The following PRKN variants were observed in gnomAD, a reference collection of about 807,000 sequenced individuals.
PRKN encodes E3 ubiquitin-protein ligase parkin.
PRKN carries 56 observed loss-of-function variants against 59.5 expected under a neutral mutation model. The ratio of observed to expected loss-of-function variants is 0.94; its 90% CI spans 0.76 to 1.18. The LOEUF is 1.18. PRKN is among the 50% of genes most tolerant of loss of function. The pLI, the probability that PRKN is intolerant of heterozygous loss-of-function variation, is 0.00. For missense variants in PRKN, 657 were observed against 596.4 expected (o/e 1.10, Z -1.06); for synonymous variants, 250 against 222.1 (o/e 1.13, Z -1.12).
At chr6:162,010,165 T>C (rs1782435478) in intron 5 of PRKN, among the ~76,000 whole-genome samples, 2 of 145,656 alleles carry the variant, frequency 1.4e-5, no homozygotes, top group Admixed American at 7.3e-5. Context: ...GGGAGACCCC[T>C]CGCAGAATCA....
chr6:162,434,218 TTAAAAATCCAAAAA>T (rs1451356111), intron 2 of PRKN, among the ~76,000 whole-genome samples: 3 of 152,176 alleles, frequency 2.0e-5, no homozygotes, highest in African/African-American at 7.2e-5. Context: ...AAAACATTTT[TTAAAAATCCAAAAA>T]CAATTGATAC....
chr6:162,414,073 C>T (rs1788486938), intron 2 of PRKN, among the ~76,000 whole-genome samples: 1 of 152,122 alleles, frequency 6.6e-6, no homozygotes, highest in Admixed American at 6.6e-5. Flanking sequence ...ATGCCAGCTA[C>T]TCGGGAGGCT....
chr6:161,699,521 G>A (rs1274167294), intron 7 of PRKN, among the ~76,000 whole-genome samples: 2 of 152,134 alleles, frequency 1.3e-5, no homozygotes, highest in African/African-American at 2.4e-5. Context: ...CCATTGATAA[G>A]TTACAACATG....
At chr6:161,799,812 T>A (rs116205922) in intron 6 of PRKN, among the ~76,000 whole-genome samples, 1 of 152,200 alleles carries the variant, frequency 6.6e-6, no homozygotes, top group South Asian at 2.1e-4. Flanking sequence ...GACATTTGCA[T>A]TGCCATCTCA....
chr6:162,087,231 T>C (rs1364307935), intron 4 of PRKN, among the ~76,000 whole-genome samples: 1 of 152,226 alleles, frequency 6.6e-6, no homozygotes, highest in Non-Finnish European at 1.5e-5. Flanking sequence ...CATTCCATGA[T>C]ATTAGAAAAT....
In PRKN at chr6:162,201,171, T is replaced by A. The variant is rs374988995; in HGVS notation, c.494A>T (p.Gln165Leu). The A allele has an allele frequency of 4.3e-6, 7 of 1,614,070 alleles. No individual in the cohort carries two copies. The highest frequency in any genetic ancestry group is 5.9e-6 in the Non-Finnish European group (7 of 1,180,020). ...CGTTGCCTGCCTGCAGGTGCTGCAC[T>A]GTACCCTGAGTTTTCCCGGCTGCAC... ...QRVQPGKLRV[Q>L]CSTCRQATLT... Residue 165 changes from glutamine to leucine, a missense_variant, in exon 4 of 12, where the codon CAG becomes CTG. Coordinates refer to ENST00000366898, the MANE Select transcript of PRKN (RefSeq NM_004562.3).
At chr6:162,488,496 C>T (rs1792659438) in intron 1 of PRKN, among the ~76,000 whole-genome samples, 1 of 152,154 alleles carries the variant, frequency 6.6e-6, no homozygotes, top group South Asian at 2.1e-4. Context: ...CAGCAGAGCT[C>T]AGGCTGAATA....
intron 2 of PRKN, among the ~76,000 whole-genome samples, chr6:162,340,972 T>A (rs1044108237): frequency 1.3e-5 from 2 of 151,852 alleles, no homozygotes; most frequent in Admixed American, 6.6e-5. Flanking sequence ...ATCCTCAGAG[T>A]CAACAGGCAA....
At chr6:162,257,011 C>T (rs1779664102) in intron 3 of PRKN, among the ~76,000 whole-genome samples, 1 of 152,214 alleles carries the variant, frequency 6.6e-6, no homozygotes. Flanking sequence ...CCCACAGAGG[C>T]ATGAACCCAA....
intron 4 of PRKN, among the ~76,000 whole-genome samples, chr6:162,193,203 G>A (rs187084452): frequency 2.8e-4 from 43 of 152,254 alleles, no homozygotes; most frequent in Admixed American, 1.8e-3. Context: ...TCATCCCAAT[G>A]AATAACATAT....
intron 6 of PRKN, among the ~76,000 whole-genome samples, chr6:161,865,282 A>G (rs1319255939): frequency 6.6e-6 from 1 of 152,160 alleles, no homozygotes; most frequent in African/African-American, 2.4e-5. Flanking sequence ...TGTTCCCTTT[A>G]TAGAGCACAG....
chr6:162,418,228 G>A (rs1202672584), intron 2 of PRKN, among the ~76,000 whole-genome samples: 2 of 152,150 alleles, frequency 1.3e-5, no homozygotes, highest in African/African-American at 4.8e-5. Flanking sequence ...TGAAAACATT[G>A]TACTAAGTGA....
chr6:162,139,377 C>G (rs544029029), intron 4 of PRKN, among the ~76,000 whole-genome samples: 3 of 152,212 alleles, frequency 2.0e-5, no homozygotes, highest in South Asian at 2.1e-4. Flanking sequence ...GAAGAGCGGA[C>G]AACTGTGGAA....
At chr6:162,099,150 A>C (rs1031535005) in intron 4 of PRKN, among the ~76,000 whole-genome samples, 1 of 152,204 alleles carries the variant, frequency 6.6e-6, no homozygotes, top group African/African-American at 2.4e-5. Flanking sequence ...AACACCGTTG[A>C]AATTCCTTTA....
At chr6:162,237,142 T>C (rs1778767189) in intron 3 of PRKN, among the ~76,000 whole-genome samples, 1 of 152,164 alleles carries the variant, frequency 6.6e-6, no homozygotes, top group Non-Finnish European at 1.5e-5. Context: ...GAGAAATGCT[T>C]TTTACGAGGT....
At chr6:162,451,280 G>A (rs760911896) in intron 1 of PRKN, among the ~76,000 whole-genome samples, 12 of 147,838 alleles carry the variant, frequency 8.1e-5, no homozygotes, top group Non-Finnish European at 1.8e-4. Context: ...AGAAAATCAA[G>A]TGAGACAAAA....
chr6:161,980,006 T>C (rs1345356712), intron 5 of PRKN, among the ~76,000 whole-genome samples: 1 of 152,144 alleles, frequency 6.6e-6, no homozygotes, highest in African/African-American at 2.4e-5. Context: ...AGAAGCGAAT[T>C]AGCCAAACCC....
At chr6:161,512,409 G>T (rs1053680496) in intron 9 of PRKN, among the ~76,000 whole-genome samples, 1 of 152,162 alleles carries the variant, frequency 6.6e-6, no homozygotes, top group Non-Finnish European at 1.5e-5. Flanking sequence ...TGAATCTGAT[G>T]AAGTGTATTG....
chr6:161,841,331 T>C (rs898447416), intron 6 of PRKN, among the ~76,000 whole-genome samples: 3 of 151,240 alleles, frequency 2.0e-5, no homozygotes, highest in Admixed American at 6.6e-5. Context: ...CTATCTGCCA[T>C]GACTTTTAGG....
Sources: gnomAD v4.1 joint callset for allele counts (sites outside exome capture counted in the v4.1 genomes callset) on GRCh38, gnomAD v4.1.1 for gene constraint, MANE v1.5 for transcripts, NCBI Gene and HGNC (gene_info 2026-07-23, HGNC 2026-07-21) for gene names.